The following NKAIN2 variants were observed in gnomAD, a reference collection of about 807,000 sequenced individuals.
NKAIN2 encodes the protein sodium/potassium-transporting ATPase subunit beta-1-interacting protein 2.
In NKAIN2, 14 loss-of-function variants were observed where a neutral mutation model predicts 32.6. The ratio of observed to expected loss-of-function variants is 0.43; its 90% CI spans 0.28 to 0.67. The LOEUF (loss-of-function observed/expected upper bound fraction) is 0.67. Among genes scored for constraint, NKAIN2 ranks in the 30% least tolerant of loss-of-function variants. The pLI is 0.17. For missense variants in NKAIN2, 198 were observed against 258.3 expected (o/e 0.77, Z 1.60); for synonymous variants, 80 against 87.2 (o/e 0.92, Z 0.46).
intron 3 of NKAIN2, among the ~76,000 whole-genome samples, chr6:124,644,747 T>A: frequency 6.6e-6 from 1 of 152,320 alleles, no homozygotes; most frequent in Middle Eastern, 3.4e-3. Flanking sequence ...TTGAGACTTG[T>A]GGTTTGTGTC....
rs79184440 is a variant in NKAIN2, at chr6:124,328,533, G to T, written c.193-26734G>T. On this transcript the variant is annotated intron_variant, in intron 2 of 6. Coordinates refer to ENST00000368417, the MANE Select transcript of NKAIN2 (RefSeq NM_001040214.3). ...CCTGGGATACAGACTCTGAGATGGA[G>T]ATTTACATGCAGCAAGCTTACTGAG... Among the ~76,000 whole-genome samples the T allele has an allele frequency of 3.4e-3, 525 of 152,266 alleles. 4 individuals are homozygous for T. Among genetic ancestry groups the T allele is most frequent in the African/African-American group, 0.012 (511 of 41,550 alleles).
intron 4 of NKAIN2, among the ~76,000 whole-genome samples, chr6:124,674,497 G>T (rs1441001246): frequency 6.6e-6 from 1 of 151,888 alleles, no homozygotes; most frequent in Non-Finnish European, 1.5e-5. Context: ...CCATGAACAT[G>T]AATGTCTTTC....
At chr6:124,172,422 T>C (rs963141603) in intron 1 of NKAIN2, among the ~76,000 whole-genome samples, 1 of 152,168 alleles carries the variant, frequency 6.6e-6, no homozygotes, top group African/African-American at 2.4e-5. Flanking sequence ...GGAGTTCTCC[T>C]ACGTAAGTTT....
rs886454973 is a variant in NKAIN2 at position 124,356,636 on chromosome 6, G to C, written c.273+1289G>C. On this transcript the variant is annotated intron_variant, in intron 3 of 6. Coordinates refer to ENST00000368417, the MANE Select transcript of NKAIN2 (RefSeq NM_001040214.3). ...CAGGCAGCCTTTTCAGGAAGGTGCC[G>C]TGACCAATGAAAATAAATTGTTCAG... Among the ~76,000 whole-genome samples, 4 of 152,186 alleles carry C rather than the reference G, an allele frequency of 2.6e-5. No individual in the cohort carries two copies. The East Asian group carries it at 7.7e-4, about 29-fold the overall frequency.
intron 1 of NKAIN2, among the ~76,000 whole-genome samples, chr6:124,027,980 A>G (rs1049887094): frequency 6.6e-6 from 1 of 152,184 alleles, no homozygotes; most frequent in Admixed American, 6.5e-5. Context: ...ATAGCCTTCC[A>G]TGATCCAAAC....
chr6:124,393,605 A>G (rs997291036), intron 3 of NKAIN2, among the ~76,000 whole-genome samples: 2 of 152,188 alleles, frequency 1.3e-5, no homozygotes, highest in African/African-American at 4.8e-5. Context: ...TGAAGAATTA[A>G]AAGGATGAAT....
chr6:124,482,509 T>A (rs1777494516), intron 3 of NKAIN2, among the ~76,000 whole-genome samples: 1 of 152,150 alleles, frequency 6.6e-6, no homozygotes, highest in African/African-American at 2.4e-5. Flanking sequence ...TGTGTATACT[T>A]GGGAATTTCT....
intron 2 of NKAIN2, among the ~76,000 whole-genome samples, chr6:124,286,650 G>GTA (rs1795557166): frequency 8.3e-6 from 1 of 120,088 alleles, no homozygotes; most frequent in Non-Finnish European, 1.6e-5. Flanking sequence ...AATTGTGTGT[G>GTA]TGTGTGTGTG....
At chr6:123,985,322 C>T (rs572374011) in intron 1 of NKAIN2, among the ~76,000 whole-genome samples, 1 of 152,106 alleles carries the variant, frequency 6.6e-6, no homozygotes, top group Non-Finnish European at 1.5e-5. Context: ...ATTGCTTAAA[C>T]CTGGGAGGCA....
At chr6:124,448,234 A>C (rs1257301794) in intron 3 of NKAIN2, among the ~76,000 whole-genome samples, 2 of 152,118 alleles carry the variant, frequency 1.3e-5, no homozygotes, top group African/African-American at 4.8e-5. Flanking sequence ...CTATTGATTA[A>C]GGAAATCTCT....
chr6:124,708,213 G>C (rs535739555), intron 4 of NKAIN2, among the ~76,000 whole-genome samples: 2,555 of 143,622 alleles, frequency 0.018, 49 homozygotes, highest in Middle Eastern at 0.028. Flanking sequence ...CTCTGTTTTG[G>C]TACCAATACC....
At chr6:124,477,972 A>C (rs1022981068) in intron 3 of NKAIN2, among the ~76,000 whole-genome samples, 2 of 151,736 alleles carry the variant, frequency 1.3e-5, no homozygotes, top group Admixed American at 6.6e-5. Context: ...GTTAGAATAC[A>C]AAATCAGAGA....
At chr6:124,031,001 A>G (rs1051954640) in intron 1 of NKAIN2, among the ~76,000 whole-genome samples, 1 of 152,198 alleles carries the variant, frequency 6.6e-6, no homozygotes, top group East Asian at 1.9e-4. Context: ...CAGCTTTTTA[A>G]AAGTCATTTT....
At chr6:123,915,909 T>G (rs1775471302) in intron 1 of NKAIN2, among the ~76,000 whole-genome samples, 1 of 152,164 alleles carries the variant, frequency 6.6e-6, no homozygotes, top group Non-Finnish European at 1.5e-5. Flanking sequence ...ACCTCCAAAT[T>G]TATTTGATCA....
chr6:124,715,674 G>A (rs918767457), intron 4 of NKAIN2, among the ~76,000 whole-genome samples: 2 of 152,182 alleles, frequency 1.3e-5, no homozygotes, highest in African/African-American at 4.8e-5. Context: ...AGAAGACCAT[G>A]GACCATCCCA....
At chr6:124,060,017 G>A (rs746246542) in intron 1 of NKAIN2, among the ~76,000 whole-genome samples, 3 of 152,108 alleles carry the variant, frequency 2.0e-5, no homozygotes, top group Non-Finnish European at 4.4e-5. Flanking sequence ...TCCAAAGTTC[G>A]AGTATGAACT....
chr6:124,357,769 G>T (rs1292406669), intron 3 of NKAIN2, among the ~76,000 whole-genome samples: 2 of 151,896 alleles, frequency 1.3e-5, no homozygotes, highest in Non-Finnish European at 2.9e-5. Context: ...TTAGAGTTTA[G>T]AACTTTTCTT....
At chr6:123,957,910 C>A (rs1777670534) in intron 1 of NKAIN2, among the ~76,000 whole-genome samples, 1 of 152,092 alleles carries the variant, frequency 6.6e-6, no homozygotes, top group Non-Finnish European at 1.5e-5. Flanking sequence ...TCCAGTCAAT[C>A]ACAATATTTA....
chr6:124,453,211 A>AG (rs1334483779), intron 3 of NKAIN2, among the ~76,000 whole-genome samples: 1 of 151,718 alleles, frequency 6.6e-6, no homozygotes, highest in Non-Finnish European at 1.5e-5. Context: ...TATCTTCCTG[A>AG]GAGTTATTGA....
Sources: allele counts gnomAD v4.1 joint callset (sites outside exome capture counted in the v4.1 genomes callset), GRCh38; gene constraint gnomAD v4.1.1; transcripts MANE v1.5; gene names NCBI Gene and HGNC (gene_info 2026-07-23, HGNC 2026-07-21).